Variants in TDRD12 observed in about 807,000 individuals in gnomAD.
The protein encoded by TDRD12 is putative ATP-dependent RNA helicase TDRD12.
A neutral mutation model predicts 133.5 loss-of-function variants in TDRD12; 158 were observed. That is an observed-to-expected ratio of 1.18 (90% confidence interval 1.04 to 1.35). The LOEUF is 1.35. Ranked by LOEUF, TDRD12 falls within the 40% of genes most tolerant of loss-of-function variation. The probability of loss-of-function intolerance (pLI) is 0.00; values close to 1 mark genes in which losing one functional copy is unlikely to be tolerated. For synonymous variants in TDRD12, 460 were observed against 477.9 expected (o/e 0.96, Z 0.49); for missense variants, 1,443 against 1,321.3 (o/e 1.09, Z -1.43).
chr19:32,741,620 C>G (rs1969429255), intron 3 of TDRD12, among the ~76,000 whole-genome samples: 1 of 152,290 alleles, frequency 6.6e-6, no homozygotes, highest in South Asian at 2.1e-4. Flanking sequence ...AATAGAGCTT[C>G]AGGAGACTTC....
At chr19:32,802,744 T>C in exon 20 of TDRD12, 1 of 1,536,644 alleles carries the variant, frequency 6.5e-7, no homozygotes, top group Non-Finnish European at 8.7e-7. Context: ...CAAAAGTTTT[T>C]GGTGGACGCC....
At chr19:32,820,984 G>T (rs1376952569) in intron 27 of TDRD12, 49 bp from the exon 28 acceptor site, 1 of 1,448,912 alleles carries the variant, frequency 6.9e-7, no homozygotes, top group Admixed American at 2.1e-5. Flanking sequence ...CTTCCACTTG[G>T]GCAGTTCCTG....
chr19:32,805,373 A>G (rs542691538), intron 21 of TDRD12, among the ~76,000 whole-genome samples: 3 of 150,412 alleles, frequency 2.0e-5, no homozygotes, highest in South Asian at 4.2e-4. Context: ...ATAGAATGAG[A>G]CCCTATGTCC....
chr19:32,820,560 A>G (rs1190821459), intron 27 of TDRD12, among the ~76,000 whole-genome samples: 1 of 152,206 alleles, frequency 6.6e-6, no homozygotes, highest in African/African-American at 2.4e-5. Context: ...ACGTTCCCAT[A>G]TGTTTAAATG....
At position 32,820,947 on chromosome 19, in the gene TDRD12, T is replaced by TCAC. The variant is rs748301721; in HGVS notation, c.3384-85_3384-83dup. On this transcript the variant is annotated intron_variant, in intron 27 of 27. Transcript: ENST00000444215. ...GTCTGACTCCACGGCCACAGGCACT[T>TCAC]CACGGTCATTTATTGCCTGCCTTCC... is the stretch of plus-strand genomic sequence containing the variant. 2.7e-6 allele frequency: 3 copies of TCAC among 1,111,692 alleles called. No homozygotes were observed. The South Asian group carries it at 4.3e-5, about 16-fold the overall frequency. 68.9% of individuals were successfully genotyped at this position (1,111,692 alleles called of 1,614,324 possible). A position where few individuals can be genotyped will look rare whatever the true frequency, so the allele number is the denominator to read the frequency against.
At chr19:32,813,862 A>T (rs1442717466) in intron 25 of TDRD12, 86 bp downstream of exon 25, 1 of 758,916 alleles carries the variant, frequency 1.3e-6, no homozygotes, top group African/African-American at 1.8e-5. Flanking sequence ...CACTTGAATA[A>T]CTGCTGCATA....
At chr19:32,784,262 T>C (rs1025249005) in intron 11 of TDRD12, among the ~76,000 whole-genome samples, 4 of 152,076 alleles carry the variant, frequency 2.6e-5, no homozygotes, top group Admixed American at 1.3e-4. Context: ...TGGTTTTTGT[T>C]GTTGGTTCTG....
chr19:32,827,245 A>G, exon 10 of TDRD12: 1 of 1,232,060 alleles, frequency 8.1e-7, no homozygotes, highest in Non-Finnish European at 1.0e-6. Context: ...GACGACAGTG[A>G]GAGTGAAAGA....
chr19:32,812,793 G>A (rs1967051161), intron 24 of TDRD12, among the ~76,000 whole-genome samples: 2 of 152,212 alleles, frequency 1.3e-5, no homozygotes, highest in Non-Finnish European at 2.9e-5. Context: ...AAACGGGCAG[G>A]TCCCTTTCGC....
exon 28 of TDRD12, chr19:32,821,185 G>T (rs1967375291): frequency 4.1e-6 from 6 of 1,455,218 alleles, no homozygotes; most frequent in Non-Finnish European, 2.8e-6. Context: ...AATCGTTAAT[G>T]TCTGGAAAAT....
intron 11 of TDRD12, 81 bp from the exon 12 acceptor site, chr19:32,790,450 G>T: frequency 7.2e-7 from 1 of 1,381,070 alleles, no homozygotes; most frequent in Non-Finnish European, 1.0e-6. Context: ...TGCTATCTCT[G>T]TCAAGGAAGA....
intron 1 of TDRD12, among the ~76,000 whole-genome samples, chr19:32,728,696 A>G (rs1266423800): frequency 1.5e-5 from 2 of 133,522 alleles, no homozygotes; most frequent in African/African-American, 5.8e-5. Context: ...CCCAAGCTGG[A>G]GTGCAGTGGC....
At chr19:32,771,797 T>G (rs906721921) in intron 8 of TDRD12, among the ~76,000 whole-genome samples, 6 of 152,220 alleles carry the variant, frequency 3.9e-5, no homozygotes, top group African/African-American at 1.4e-4. Context: ...ACATGCAGAC[T>G]TGGGTTCCAA....
At chr19:32,736,872 G>T (rs1969240997) in intron 2 of TDRD12, among the ~76,000 whole-genome samples, 1 of 152,158 alleles carries the variant, frequency 6.6e-6, no homozygotes, top group South Asian at 2.1e-4. Context: ...CTTAAAAGGG[G>T]CTGCAGGCAT....
chr19:32,819,398 G>A (rs1967301745), intron 27 of TDRD12, among the ~76,000 whole-genome samples: 1 of 151,748 alleles, frequency 6.6e-6, no homozygotes, highest in South Asian at 2.1e-4. Context: ...GATACCTATA[G>A]GATTAGAATA....
At chr19:32,729,928 C>A (rs1387107314) in intron 1 of TDRD12, among the ~76,000 whole-genome samples, 1 of 151,426 alleles carries the variant, frequency 6.6e-6, no homozygotes, top group Non-Finnish European at 1.5e-5. Context: ...GTAGCTGGGA[C>A]TACAGGTATC....
At chr19:32,815,232 T>C (rs1210575651) in intron 25 of TDRD12, among the ~76,000 whole-genome samples, 1 of 152,190 alleles carries the variant, frequency 6.6e-6, no homozygotes, top group Non-Finnish European at 1.5e-5. Flanking sequence ...TGCCCATATT[T>C]CTGTGGCATG....
At position 32,790,947 on chromosome 19, in the gene TDRD12, T is replaced by C. The variant is rs1971051857; in HGVS notation, c.1183-17T>C. Reference sequence around the variant, plus strand: ...CTCAGGGCAGACACTGGTTGTCTAATGCACACGTTCTCTCAGTTGCAGAAG... The same window carrying C: ...CTCAGGGCAGACACTGGTTGTCTAACGCACACGTTCTCTCAGTTGCAGAAG... On this transcript the variant is annotated splice_polypyrimidine_tract_variant and intron_variant, in intron 12 of 27. Coordinates refer to ENST00000444215, the Ensembl canonical transcript of TDRD12. 1 of 1,533,650 alleles carries C rather than the reference T, an allele frequency of 6.5e-7. No individual in the cohort carries two copies. Among genetic ancestry groups the C allele is most frequent in the Non-Finnish European group, 8.7e-7 (1 of 1,146,300 alleles).
chr19:32,725,811 G>A (rs993555260), intron 1 of TDRD12, among the ~76,000 whole-genome samples: 5 of 151,958 alleles, frequency 3.3e-5, no homozygotes, highest in Admixed American at 2.0e-4. Flanking sequence ...TGGACAGTAC[G>A]GCCATTTTCA....
Sources: allele counts gnomAD v4.1 joint callset (sites outside exome capture counted in the v4.1 genomes callset), GRCh38; gene constraint gnomAD v4.1.1; transcripts MANE v1.5; gene names NCBI Gene and HGNC (gene_info 2026-07-23, HGNC 2026-07-21).